Variants in DSCAM observed in about 807,000 individuals in gnomAD.
DSCAM encodes the protein cell adhesion molecule DSCAM.
Under a neutral mutation model 217.7 loss-of-function variants are expected in DSCAM, and 47 were observed. The observed-to-expected ratio is 0.22, with a 90% confidence interval of 0.17 to 0.28. The LOEUF (loss-of-function observed/expected upper bound fraction) is 0.28, where lower values mean the gene tolerates loss of function less well. DSCAM is among the 10% of genes least tolerant of loss of function. The probability of loss-of-function intolerance (pLI) is 1.00; values close to 1 mark genes in which losing one functional copy is unlikely to be tolerated. For synonymous variants in DSCAM, 1,056 were observed against 1,015.3 expected, an observed-to-expected ratio of 1.04 and a Z score of -0.76; for missense variants, 2,080 against 2,618.3, an observed-to-expected ratio of 0.79 and a Z score of 4.49.
At chr21:40,188,784 A>G (rs1004955295) in intron 12 of DSCAM, among the ~76,000 whole-genome samples, 1 of 111,422 alleles carries the variant, frequency 9.0e-6, no homozygotes, top group African/African-American at 4.1e-5. Flanking sequence ...CTTATTTCTC[A>G]CTTTTTTTTT....
intron 3 of DSCAM, among the ~76,000 whole-genome samples, chr21:40,380,318 T>C (rs948919227): frequency 1.3e-5 from 2 of 152,246 alleles, no homozygotes; most frequent in African/African-American, 4.8e-5. Context: ...AATTGTATAA[T>C]TCCTTTACTT....
intron 29 of DSCAM, among the ~76,000 whole-genome samples, chr21:40,053,652 C>T (rs2088968519): frequency 6.6e-6 from 1 of 152,174 alleles, no homozygotes; most frequent in Admixed American, 6.5e-5. Flanking sequence ...GTTCCACTTC[C>T]CAGTAATTAG....
At chr21:40,284,017 G>C (rs1315895710) in intron 10 of DSCAM, among the ~76,000 whole-genome samples, 3 of 152,036 alleles carry the variant, frequency 2.0e-5, no homozygotes, top group Non-Finnish European at 2.9e-5. Context: ...TGGAGAGAGT[G>C]GTGTTTTCCT....
At chr21:40,070,229 A>AAAGG (rs151058336) in intron 27 of DSCAM, among the ~76,000 whole-genome samples, 33,768 of 145,724 alleles carry the variant, frequency 0.23, 5,196 homozygotes, top group African/African-American at 0.41. Flanking sequence ...AGAGAAGGGG[A>AAAGG]AAGGAAGGAA....
In DSCAM at chr21:40,659,450, G is replaced by T. The variant is rs192959320; in HGVS notation, c.508+33360C>A. On this transcript the variant is annotated intron_variant, in intron 3 of 32. Coordinates refer to ENST00000400454, the MANE Select transcript of DSCAM (RefSeq NM_001389.5). ...CTATCATCTCTCTCATATCTATTCTGTTTTCTGTTTATTATCTATCTACTA... is the reference window on the plus strand; with the variant it reads ...CTATCATCTCTCTCATATCTATTCTTTTTTCTGTTTATTATCTATCTACTA... Among the ~76,000 whole-genome samples the T allele has an allele frequency of 1.0e-3, 157 of 151,342 alleles. 3 individuals are homozygous for T. Among genetic ancestry groups the T allele is most frequent in the Non-Finnish European group, 4.4e-5 (3 of 67,814 alleles).
chr21:40,495,656 T>C (rs2076112430), intron 3 of DSCAM, among the ~76,000 whole-genome samples: 1 of 152,162 alleles, frequency 6.6e-6, no homozygotes, highest in African/African-American at 2.4e-5. Context: ...CTTTCTGTTC[T>C]ACTTCTCTGG....
At chr21:40,749,552 C>A (rs1388072030) in intron 1 of DSCAM, among the ~76,000 whole-genome samples, 3 of 152,022 alleles carry the variant, frequency 2.0e-5, no homozygotes, top group Admixed American at 1.3e-4. Context: ...TGGTTATCAT[C>A]AAAAACACAC....
At chr21:40,645,921 G>T (rs1243914348) in intron 3 of DSCAM, among the ~76,000 whole-genome samples, 1 of 152,028 alleles carries the variant, frequency 6.6e-6, no homozygotes, top group Non-Finnish European at 1.5e-5. Flanking sequence ...AATACAATGG[G>T]TGCAGAGTGA....
chr21:40,256,264 T>C (rs1238778188), intron 11 of DSCAM, among the ~76,000 whole-genome samples: 1 of 152,054 alleles, frequency 6.6e-6, no homozygotes, highest in Admixed American at 6.5e-5. Context: ...AGGGAGGTAT[T>C]TAGGTATTTA....
chr21:40,317,967 T>A (rs2074217952), intron 8 of DSCAM, among the ~76,000 whole-genome samples: 1 of 152,140 alleles, frequency 6.6e-6, no homozygotes, highest in Non-Finnish European at 1.5e-5. Context: ...GAATGATGAT[T>A]TCCAATTTCA....
At chr21:40,185,998 G>A (rs536559068) in intron 14 of DSCAM, among the ~76,000 whole-genome samples, 28 of 152,330 alleles carry the variant, frequency 1.8e-4, no homozygotes, top group African/African-American at 6.3e-4. Context: ...CTCAGAGGCC[G>A]ATGACCTGAG....
At chr21:40,512,910 A>AT (rs1054895232) in intron 3 of DSCAM, among the ~76,000 whole-genome samples, 10 of 151,842 alleles carry the variant, frequency 6.6e-5, no homozygotes, top group Non-Finnish European at 1.3e-4. Context: ...TTATTTATTT[A>AT]TTTTTTGAGA....
At chr21:40,731,274 T>C (rs1399305230) in intron 1 of DSCAM, among the ~76,000 whole-genome samples, 1 of 152,050 alleles carries the variant, frequency 6.6e-6, no homozygotes, top group Non-Finnish European at 1.5e-5. Flanking sequence ...ATGATAGGAG[T>C]GATAGTGAGA....
chr21:40,182,643 GAGGGGGTTACCAGAGAAACCGTGGACA>G (rs1568986441), intron 14 of DSCAM, among the ~76,000 whole-genome samples: 11 of 129,762 alleles, frequency 8.5e-5, no homozygotes, highest in African/African-American at 3.1e-4. Context: ...CCGTGGACAG[GAGGGGGTTACCAGAGAAACCGTGGACA>G]GGGGGGGGTT....
intron 11 of DSCAM, among the ~76,000 whole-genome samples, chr21:40,193,753 A>C (rs1397994608): frequency 6.6e-6 from 1 of 152,242 alleles, no homozygotes; most frequent in African/African-American, 2.4e-5. Flanking sequence ...GAAATGTATA[A>C]AATGGTAAGA....
At chr21:40,598,490 C>A (rs1026352250) in intron 3 of DSCAM, among the ~76,000 whole-genome samples, 14 of 146,198 alleles carry the variant, frequency 9.6e-5, no homozygotes, top group African/African-American at 3.5e-4. Flanking sequence ...TAAGAAACTG[C>A]CAAACTGTTT....
intron 11 of DSCAM, among the ~76,000 whole-genome samples, chr21:40,273,587 GC>G (rs747283007): frequency 6.6e-6 from 1 of 152,180 alleles, no homozygotes; most frequent in Admixed American, 6.5e-5. Flanking sequence ...CCTTTTGAAG[GC>G]CCTTGTGTCT....
intron 11 of DSCAM, among the ~76,000 whole-genome samples, chr21:40,254,258 G>C (rs1569025366): frequency 6.6e-6 from 1 of 152,098 alleles, no homozygotes; most frequent in Non-Finnish European, 1.5e-5. Flanking sequence ...TTACAATAGA[G>C]GCAAGTTACC....
At chr21:40,670,573 A>G (rs1361674876) in intron 3 of DSCAM, among the ~76,000 whole-genome samples, 5 of 150,398 alleles carry the variant, frequency 3.3e-5, no homozygotes, top group Non-Finnish European at 5.9e-5. Flanking sequence ...GATACCTCAT[A>G]TAAGTGGAAT....
Sources: gnomAD v4.1 joint callset for allele counts (sites outside exome capture counted in the v4.1 genomes callset) on GRCh38, gnomAD v4.1.1 for gene constraint, MANE v1.5 for transcripts, NCBI Gene and HGNC (gene_info 2026-07-23, HGNC 2026-07-21) for gene names.